The following HACE1 variants were observed in gnomAD, a reference collection of about 807,000 sequenced individuals.
HACE1 encodes E3 ubiquitin-protein ligase HACE1.
Under a neutral mutation model 118.4 loss-of-function variants are expected in HACE1, and 73 were observed. The observed-to-expected ratio is 0.62, with a 90% confidence interval of 0.51 to 0.75. The LOEUF is 0.75. HACE1 is among the 30% of genes least tolerant of loss of function. HACE1 has a pLI of 0.00. For synonymous variants in HACE1, 368 were observed against 374.8 expected (o/e 0.98, Z 0.21); for missense variants, 749 against 1,102.2 (o/e 0.68, Z 4.54).
chr6:104,847,344 C>T (rs1241391836), intron 4 of HACE1, among the ~76,000 whole-genome samples: 3 of 152,172 alleles, frequency 2.0e-5, no homozygotes, highest in Admixed American at 6.5e-5. Context: ...CCTATCAACA[C>T]GTGGAATAAT....
At chr6:104,758,575 G>A (rs953305191) in intron 19 of HACE1, among the ~76,000 whole-genome samples, 6 of 152,088 alleles carry the variant, frequency 3.9e-5, no homozygotes, top group African/African-American at 1.2e-4. Context: ...GTAACAACCG[G>A]TACCAGCCAC....
chr6:104,737,946 G>A (rs1016935392), intron 22 of HACE1, among the ~76,000 whole-genome samples: 1 of 152,210 alleles, frequency 6.6e-6, no homozygotes, highest in Non-Finnish European at 1.5e-5. Context: ...GCTTTGAGGA[G>A]AGCAGTGGTT....
At chr6:104,788,814 A>G (rs895306447) in intron 11 of HACE1, among the ~76,000 whole-genome samples, 9 of 152,148 alleles carry the variant, frequency 5.9e-5, no homozygotes, top group Non-Finnish European at 1.0e-4. Flanking sequence ...ATGCTGAAAG[A>G]ATGGCTATGT....
chr6:104,736,202 A>T (rs1775808199), intron 22 of HACE1, among the ~76,000 whole-genome samples: 1 of 151,690 alleles, frequency 6.6e-6, no homozygotes, highest in Non-Finnish European at 1.5e-5. Context: ...GAGGCAAAAA[A>T]CAAAAACAAA....
rs529580079 is a variant in HACE1, at chr6:104,787,675, AG to A, written c.1075-2357del. Among the ~76,000 whole-genome samples the A allele has an allele frequency of 1.4e-4, 22 of 152,340 alleles. 1 individual carries two copies. The South Asian group carries it at 4.6e-3, about 32-fold the overall frequency. On this transcript the variant is annotated intron_variant, in intron 11 of 23. Coordinates refer to ENST00000262903, the MANE Select transcript of HACE1 (RefSeq NM_020771.4). The stretch of plus-strand genomic sequence containing the variant: ...TAAGGCCTAACGCAAGAAATGACAC[AG>A]GCTGATCATGCAGATGAGCACTGAG...
chr6:104,850,046 T>C (rs1253262830), intron 3 of HACE1, among the ~76,000 whole-genome samples: 1 of 145,710 alleles, frequency 6.9e-6, no homozygotes, highest in Non-Finnish European at 1.5e-5. Context: ...GCCTCCAGGG[T>C]TCAAGCAATT....
At chr6:104,797,857 T>C (rs953124603) in intron 7 of HACE1, among the ~76,000 whole-genome samples, 1 of 151,814 alleles carries the variant, frequency 6.6e-6, no homozygotes, top group African/African-American at 2.4e-5. Flanking sequence ...TCACCTGAGG[T>C]CAGGAGTTCC....
intron 22 of HACE1, among the ~76,000 whole-genome samples, chr6:104,742,926 T>C (rs1776935022): frequency 6.6e-6 from 1 of 151,766 alleles, no homozygotes; most frequent in Admixed American, 6.6e-5. Context: ...TGTCCAACAA[T>C]GATAGACTGG....
intron 7 of HACE1, among the ~76,000 whole-genome samples, chr6:104,802,259 A>C (rs908072672): frequency 6.6e-6 from 1 of 152,162 alleles, no homozygotes; most frequent in East Asian, 1.9e-4. Context: ...CTCCCACACA[A>C]TAATAATGGG....
intron 5 of HACE1, among the ~76,000 whole-genome samples, chr6:104,836,416 G>A (rs542178796): frequency 1.8e-4 from 28 of 152,174 alleles, no homozygotes; most frequent in South Asian, 8.3e-4. Flanking sequence ...TACAAACTGC[G>A]AAGAAAGAAA....
At chr6:104,747,935 G>GT (rs1777608883) in intron 20 of HACE1, among the ~76,000 whole-genome samples, 1 of 151,996 alleles carries the variant, frequency 6.6e-6, no homozygotes, top group Non-Finnish European at 1.5e-5. Context: ...AAATTTTAAT[G>GT]TAAGAGCCAC....
chr6:104,784,998 G>C lies in HACE1; in HGVS notation c.1396C>G (p.Gln466Glu). Reference sequence around the variant, plus strand: ...AAACTTTCTTACCCCGGAGGCATCTGACAAGAACAGCACATGTAAAAAGCT... The same window carrying C: ...AAACTTTCTTACCCCGGAGGCATCTCACAAGAACAGCACATGTAAAAAGCT... ...IQAFYMCCSC[Q>E]MPPGMTSPRF... Residue 466 changes from glutamine to glutamate, a missense_variant, in exon 12 of 24, where the codon CAG becomes GAG. Coordinates refer to ENST00000262903, the MANE Select transcript of HACE1 (RefSeq NM_020771.4). 6.2e-7 allele frequency: 1 copy of C among 1,611,878 alleles called. No individual in the cohort carries two copies. The highest frequency in any genetic ancestry group is 8.5e-7 in the Non-Finnish European group (1 of 1,178,546).
At chr6:104,738,511 C>T (rs1302689747) in intron 22 of HACE1, among the ~76,000 whole-genome samples, 23 of 149,486 alleles carry the variant, frequency 1.5e-4, no homozygotes, top group South Asian at 1.1e-3. Context: ...TCGAGAACTA[C>T]GTGAAGAATG....
rs77910318 is a variant in HACE1, at chr6:104,858,188, A to G, written c.76+1379T>C. On this transcript the variant is annotated intron_variant, in intron 1 of 23. Coordinates refer to ENST00000262903, the MANE Select transcript of HACE1 (RefSeq NM_020771.4). ...TATCAAAGTCTTCTAAATCACATTT[A>G]TGTAAAAAATATCGGGATTCAAACT... 9.2e-5 allele frequency among the ~76,000 whole-genome samples: 14 copies of G among 152,338 alleles called. No homozygotes were observed. The East Asian group carries it at 2.5e-3, about 27-fold the overall frequency.
At chr6:104,747,711 T>C (rs1346803991) in intron 20 of HACE1, among the ~76,000 whole-genome samples, 1 of 152,154 alleles carries the variant, frequency 6.6e-6, no homozygotes, top group Non-Finnish European at 1.5e-5. Context: ...AGTTTTCTCA[T>C]CTGTAAAATG....
chr6:104,765,737 G>A (rs944547105), intron 19 of HACE1, among the ~76,000 whole-genome samples: 5 of 152,194 alleles, frequency 3.3e-5, no homozygotes, highest in Admixed American at 6.5e-5. Context: ...TAAGTGGCAA[G>A]TGTTCACTGT....
intron 10 of HACE1, among the ~76,000 whole-genome samples, chr6:104,793,143 T>G (rs2114849589): frequency 6.6e-6 from 1 of 151,848 alleles, no homozygotes; most frequent in East Asian, 1.9e-4. Flanking sequence ...GGCAGGCCCA[T>G]GTAGTCCCAG....
At chr6:104,811,656 AT>A (rs2114973835) in intron 6 of HACE1, among the ~76,000 whole-genome samples, 1 of 152,272 alleles carries the variant, frequency 6.6e-6, no homozygotes, top group African/African-American at 2.4e-5. Context: ...GCAGCACTGT[AT>A]CAAAAGTAGT....
At chr6:104,806,674 T>A (rs1290849326) in intron 7 of HACE1, among the ~76,000 whole-genome samples, 1 of 152,186 alleles carries the variant, frequency 6.6e-6, no homozygotes, top group Non-Finnish European at 1.5e-5. Context: ...CAAATAATCA[T>A]TCTTTATAAA....
Sources: gnomAD v4.1 joint callset for allele counts (sites outside exome capture counted in the v4.1 genomes callset) on GRCh38, gnomAD v4.1.1 for gene constraint, MANE v1.5 for transcripts, NCBI Gene and HGNC (gene_info 2026-07-23, HGNC 2026-07-21) for gene names.